The following AUTS2 variants were observed in gnomAD, a reference collection of about 807,000 sequenced individuals.
AUTS2 encodes the protein autism susceptibility gene 2 protein.
In AUTS2, 17 loss-of-function variants were observed where a neutral mutation model predicts 112.4. That is an observed-to-expected ratio of 0.15 (90% CI 0.10 to 0.23). The LOEUF (loss-of-function observed/expected upper bound fraction) is 0.23. AUTS2 is among the 10% of genes least tolerant of loss of function. The pLI is 1.00. For synonymous variants in AUTS2, 751 were observed against 702.7 expected, an observed-to-expected ratio of 1.07 and a Z score of -1.09; for missense variants, 1,510 against 1,701.6, an observed-to-expected ratio of 0.89 and a Z score of 1.98.
intron 5 of AUTS2, among the ~76,000 whole-genome samples, chr7:70,528,124 G>C (rs1354541026): frequency 6.0e-5 from 7 of 115,762 alleles, no homozygotes; most frequent in African/African-American, 2.4e-4. Flanking sequence ...TTTTTTACTG[G>C]AGTGTTACAC....
chr7:70,700,146 T>C (rs985831563), intron 6 of AUTS2, among the ~76,000 whole-genome samples: 7 of 133,554 alleles, frequency 5.2e-5, no homozygotes, highest in African/African-American at 1.8e-4. Context: ...CCTCTGGTTC[T>C]TTCCCCCCCT....
intron 5 of AUTS2, among the ~76,000 whole-genome samples, chr7:70,590,975 T>C (rs1269278319): frequency 1.3e-5 from 2 of 152,140 alleles, no homozygotes; most frequent in Admixed American, 6.5e-5. Context: ...CTCTCCAGAG[T>C]TAAAGGAACT....
At chr7:70,160,671 T>G (rs561728193) in intron 4 of AUTS2, among the ~76,000 whole-genome samples, 40 of 152,344 alleles carry the variant, frequency 2.6e-4, no homozygotes, top group Admixed American at 7.2e-4. Context: ...GCTGTGAGTG[T>G]CAGACACTGT....
intron 2 of AUTS2, among the ~76,000 whole-genome samples, chr7:69,939,206 A>G (rs1387253884): frequency 1.3e-5 from 2 of 152,214 alleles, no homozygotes; most frequent in Non-Finnish European, 2.9e-5. Context: ...CAACATGTGA[A>G]CAATGAATTT....
chr7:70,683,020 T>G (rs1027098706), intron 5 of AUTS2, among the ~76,000 whole-genome samples: 1 of 152,248 alleles, frequency 6.6e-6, no homozygotes, highest in Non-Finnish European at 1.5e-5. Context: ...CTCATTCTAT[T>G]CATCAAAACA....
intron 5 of AUTS2, among the ~76,000 whole-genome samples, chr7:70,634,350 A>G (rs1805427033): frequency 6.6e-6 from 1 of 152,222 alleles, no homozygotes; most frequent in Non-Finnish European, 1.5e-5. Context: ...GAACCTGGGT[A>G]TAGTGTGCCT....
At chr7:69,612,605 G>A (rs1410609686) in intron 1 of AUTS2, among the ~76,000 whole-genome samples, 1 of 151,946 alleles carries the variant, frequency 6.6e-6, no homozygotes, top group Admixed American at 6.6e-5. Flanking sequence ...GACCACAGGC[G>A]CGTCTCACCA....
intron 6 of AUTS2, among the ~76,000 whole-genome samples, chr7:70,751,397 G>T (rs1245524460): frequency 6.6e-6 from 1 of 152,218 alleles, no homozygotes; most frequent in Non-Finnish European, 1.5e-5. Context: ...TGAAAAGCAG[G>T]ATGGTTAGAT....
At chr7:70,502,223 G>T (rs1012313661) in intron 5 of AUTS2, among the ~76,000 whole-genome samples, 1 of 152,184 alleles carries the variant, frequency 6.6e-6, no homozygotes, top group East Asian at 1.9e-4. Flanking sequence ...ATGTGCTTAC[G>T]AATTGCTTCA....
intron 4 of AUTS2, among the ~76,000 whole-genome samples, chr7:70,182,443 ATATGCATTTGTT>A (rs1323232779): frequency 2.6e-5 from 4 of 152,148 alleles, no homozygotes; most frequent in Non-Finnish European, 5.9e-5. Context: ...AGATAGTGGG[ATATGCATTTGTT>A]TAGCTGACTA....
chr7:69,751,930 C>T (rs1787754272), intron 1 of AUTS2, among the ~76,000 whole-genome samples: 1 of 152,134 alleles, frequency 6.6e-6, no homozygotes, highest in Admixed American at 6.5e-5. Flanking sequence ...TTACTTAATC[C>T]ACATGAAGTT....
chr7:69,695,696 A>G (rs1201744248), intron 1 of AUTS2, among the ~76,000 whole-genome samples: 1 of 152,188 alleles, frequency 6.6e-6, no homozygotes, highest in African/African-American at 2.4e-5. Context: ...ATATTTTAAG[A>G]GCATGCTTTT....
intron 5 of AUTS2, among the ~76,000 whole-genome samples, chr7:70,510,933 C>G (rs367567864): frequency 6.0e-4 from 91 of 152,256 alleles, no homozygotes; most frequent in African/African-American, 2.0e-3. Context: ...ACTGCAACCT[C>G]CACCTCCCGG....
rs201555455 is a variant in AUTS2 at position 70,790,510 on chromosome 7, C to T, written c.3294C>T (p.Asn1098=). ...TGGGCAGGGACTTCCTGCTAAGGAA[C>T]GACCCGCTCCACCGGCTCTCGACTC... ...DPLGRDFLLR[N]DPLHRLSTPR... The change falls in exon 19 of 19, where the codon AAC becomes AAT. Residue 1098 remains asparagine (N), a synonymous_variant. Transcript: ENST00000342771. The surrounding 1 kb of genome is among the most constrained non-coding windows in gnomAD (Gnocchi z 7.6). 11 of 1,611,658 alleles carry T rather than the reference C, an allele frequency of 6.8e-6. No individual in the cohort carries two copies. The Admixed American group carries it at 8.4e-5, about 12-fold the overall frequency.
intron 2 of AUTS2, among the ~76,000 whole-genome samples, chr7:69,947,457 G>A (rs960906614): frequency 2.6e-5 from 4 of 152,278 alleles, no homozygotes; most frequent in East Asian, 1.9e-4. Flanking sequence ...CGTTGCTAAC[G>A]TCCAAAGAGA....
intron 2 of AUTS2, among the ~76,000 whole-genome samples, chr7:69,963,559 A>G (rs980160850): frequency 2.0e-5 from 3 of 152,192 alleles, no homozygotes; most frequent in Admixed American, 6.5e-5. Flanking sequence ...TGACTGAGCT[A>G]CTAAGCAGAG....
At chr7:70,469,044 A>G (rs1797275548) in intron 5 of AUTS2, among the ~76,000 whole-genome samples, 1 of 152,242 alleles carries the variant, frequency 6.6e-6, no homozygotes, top group Admixed American at 6.5e-5. Context: ...GTTGCAGAAG[A>G]CAGAAAGTTG....
At chr7:69,603,162 T>C (rs1792525379) in intron 1 of AUTS2, among the ~76,000 whole-genome samples, 1 of 152,246 alleles carries the variant, frequency 6.6e-6, no homozygotes, top group Non-Finnish European at 1.5e-5. Flanking sequence ...TGGTATGATA[T>C]TGTGAAAAGA....
chr7:69,959,025 C>T (rs1423199015), intron 2 of AUTS2, among the ~76,000 whole-genome samples: 2 of 152,118 alleles, frequency 1.3e-5, no homozygotes, highest in Admixed American at 6.6e-5. Context: ...TTTCTGGTCT[C>T]CTATTAGTAA....
Sources: gnomAD v4.1 joint callset for allele counts (sites outside exome capture counted in the v4.1 genomes callset) on GRCh38, gnomAD v4.1.1 for gene constraint, Gnocchi (gnomAD v3.1) non-coding constraint, MANE v1.5 for transcripts, NCBI Gene and HGNC (gene_info 2026-07-23, HGNC 2026-07-21) for gene names.